Variants in ASXL1 observed in about 807,000 individuals in gnomAD.
ASXL1 encodes the protein polycomb group protein ASXL1.
In ASXL1, 65 loss-of-function variants were observed where a neutral mutation model predicts 89.1. That is an observed-to-expected ratio of 0.73 (90% CI 0.60 to 0.90). ASXL1 has a LOEUF of 0.90. Among genes scored for constraint, ASXL1 ranks in the 40% least tolerant of loss-of-function variants. The pLI is 0.00. For missense variants in ASXL1, 1,786 were observed against 1,942.9 expected (o/e 0.92, Z 1.52); for synonymous variants, 739 against 746.9 (o/e 0.99, Z 0.17).
chr20:32,437,520 A>T lies in ASXL1; in HGVS notation c.*182A>T. 7.4e-6 allele frequency: 7 copies of T among 949,958 alleles called. No homozygotes were observed. The highest frequency in any genetic ancestry group is 3.4e-5 in the African/African-American group (2 of 59,548). 58.8% of individuals were successfully genotyped at this position (949,958 alleles called of 1,614,324 possible). ...TTGGCGACCCTTCTGGTCTTGCTGG[A>T]GGGGTTTCCTGGGTATAACCCATTG... On this transcript the variant is annotated 3_prime_UTR_variant, in exon 13 of 13. Transcript: ENST00000375687.
At chr20:32,422,844 C>G (rs2011179366) in intron 4 of ASXL1, among the ~76,000 whole-genome samples, 1 of 152,074 alleles carries the variant, frequency 6.6e-6, no homozygotes, top group African/African-American at 2.4e-5. Context: ...CTTGGCCTCC[C>G]AAAGTGCTGG....
rs2123239528 is a variant in ASXL1, at chr20:32,431,668, G to A, written c.968G>A (p.Arg323His). The A allele has an allele frequency of 6.2e-7, 1 of 1,612,896 alleles. No individual in the cohort carries two copies. The highest frequency in any genetic ancestry group is 8.5e-7 in the Non-Finnish European group (1 of 1,180,018). ...CATGCGGCTCAGAGCTGGCGGGAGCGCCTGGCTGATGGTATGTAGACTTGG... is the reference window on the plus strand; with the variant it reads ...CATGCGGCTCAGAGCTGGCGGGAGCACCTGGCTGATGGTATGTAGACTTGG... ...FTHAAQSWRE[R>H]LADGEFTHEM... The change falls in exon 10 of 13, where the codon CGC becomes CAC. Residue 323 changes from arginine (R) to histidine (H), a missense_variant. By Grantham distance (29) the Arg-to-His change is conservative. This residue lies in a region of ASXL1 where 332 missense variants were observed against 449.7 expected (regional missense o/e 0.74). Transcript: ENST00000375687.
intron 1 of ASXL1, 122 bp downstream of exon 1, chr20:32,358,954 T>G: frequency 1.9e-6 from 2 of 1,073,610 alleles, no homozygotes; most frequent in Non-Finnish European, 2.5e-6. Context: ...GGGGCCATCT[T>G]CCTTTAAGAA....
At chr20:32,424,494 C>T (rs1051811801) in intron 4 of ASXL1, among the ~76,000 whole-genome samples, 2 of 152,166 alleles carry the variant, frequency 1.3e-5, no homozygotes, top group Non-Finnish European at 2.9e-5. Context: ...GAGATCATGC[C>T]GCTGCACTCC....
intron 1 of ASXL1, chr20:32,360,050 C>T: frequency 2.1e-6 from 1 of 485,534 alleles, no homozygotes. Flanking sequence ...GAGTTTTCTG[C>T]TTCAAAGGTG....
chr20:32,405,762 A>G (rs1056093903), intron 4 of ASXL1, among the ~76,000 whole-genome samples: 4 of 152,204 alleles, frequency 2.6e-5, no homozygotes, highest in African/African-American at 4.8e-5. Context: ...TGTCAGGTAT[A>G]GCAGAGAAGT....
rs1569328638 is a variant in ASXL1 at position 32,434,644 on chromosome 20, G to GT, written c.1932_1933insT (p.Gly645TrpfsTer13). ...CGGCCACCACTGCCATCGGAGGGGG[G>GT]GGTGGCCCGGGTGGAGGTGGCGGCG... On this transcript the variant is annotated frameshift_variant, in exon 13 of 13. Transcript: ENST00000375687. LOFTEE classifies it low-confidence loss of function (END_TRUNC). 2 of 1,605,218 alleles carry GT rather than the reference G, an allele frequency of 1.2e-6. No homozygotes were observed. Among genetic ancestry groups the GT allele is most frequent in the East Asian group, 2.3e-5 (1 of 44,330 alleles).
At position 32,437,506 on chromosome 20, in the gene ASXL1, T is replaced by G; in HGVS notation, c.*168T>G. On this transcript the variant is annotated 3_prime_UTR_variant, in exon 13 of 13. Coordinates refer to ENST00000375687, the MANE Select transcript of ASXL1 (RefSeq NM_015338.6). ...AAGCCCTCTGTCACTTGGCGACCCT[T>G]CTGGTCTTGCTGGAGGGGTTTCCTG... 9.0e-7 allele frequency: 1 copy of G among 1,114,486 alleles called. No individual in the cohort carries two copies. Among genetic ancestry groups the G allele is most frequent in the Non-Finnish European group, 1.3e-6 (1 of 778,870 alleles). The allele number at this position is 1,114,486 out of a possible 1,614,324, so 69.0% of individuals were successfully genotyped here. A position where few individuals can be genotyped will look rare whatever the true frequency, so the allele number is the denominator to read the frequency against.
chr20:32,377,946 C>A (rs2048413656), intron 4 of ASXL1, among the ~76,000 whole-genome samples: 1 of 134,330 alleles, frequency 7.4e-6, no homozygotes. Context: ...AACCACCGCA[C>A]CTGGCCCCAA....
At chr20:32,422,620 A>G (rs891996244) in intron 4 of ASXL1, among the ~76,000 whole-genome samples, 1 of 127,034 alleles carries the variant, frequency 7.9e-6, no homozygotes, top group Admixed American at 8.9e-5. Context: ...AGAGTCTTGC[A>G]CTGTCTCCCA....
In ASXL1 at chr20:32,359,098, C is replaced by T. The variant is rs2048065391; in HGVS notation, c.57+266C>T. The T allele has an allele frequency of 8.4e-6, 5 of 595,300 alleles. No individual in the cohort carries two copies. In the East Asian group the frequency reaches 8.5e-5, roughly 10 times the overall value. The allele number at this position is 595,300 out of a possible 1,614,324, so 36.9% of individuals were successfully genotyped here. ...GCGGAGGGGCGAGCTGGCAGGCCGG[C>T]TCCTCCCACTCTGGGCAGCGGGGTC... On this transcript the variant is annotated intron_variant, in intron 1 of 12. Coordinates refer to ENST00000375687, the MANE Select transcript of ASXL1 (RefSeq NM_015338.6).
At chr20:32,416,106 T>A (rs1291917812) in intron 4 of ASXL1, among the ~76,000 whole-genome samples, 1 of 152,156 alleles carries the variant, frequency 6.6e-6, no homozygotes, top group Admixed American at 6.6e-5. Flanking sequence ...TATATGTATT[T>A]TGGGGGTACA....
rs757830010 is a variant in ASXL1 at position 32,437,650 on chromosome 20, C to G, written c.*312C>G. Reference sequence around the variant, plus strand: ...GGGGACTGCCTGACTCCCAGAGGGACTTGAAACTGAAGCAAGAAGGTTGCA... The same window carrying G: ...GGGGACTGCCTGACTCCCAGAGGGAGTTGAAACTGAAGCAAGAAGGTTGCA... On this transcript the variant is annotated 3_prime_UTR_variant, in exon 13 of 13. Coordinates refer to ENST00000375687, the MANE Select transcript of ASXL1 (RefSeq NM_015338.6). 6.2e-5 allele frequency: 28 copies of G among 449,244 alleles called. No homozygotes were observed. Among genetic ancestry groups the G allele is most frequent in the Admixed American group, 1.5e-4 (4 of 26,606 alleles). 27.8% of individuals were successfully genotyped at this position (449,244 alleles called of 1,614,324 possible). A position where few individuals can be genotyped will look rare whatever the true frequency, so the allele number is the denominator to read the frequency against.
At chr20:32,377,769 C>T (rs1210715928) in intron 4 of ASXL1, among the ~76,000 whole-genome samples, 1 of 149,902 alleles carries the variant, frequency 6.7e-6, no homozygotes, top group Non-Finnish European at 1.5e-5. Flanking sequence ...TCTCTTACCT[C>T]AGCCTCCTGC....
chr20:32,393,097 A>G (rs1204029197), intron 4 of ASXL1, among the ~76,000 whole-genome samples: 2 of 152,160 alleles, frequency 1.3e-5, no homozygotes, highest in Non-Finnish European at 2.9e-5. Context: ...GATAATGTTT[A>G]AGTCTTCTGT....
chr20:32,409,061 C>T (rs1349060828), intron 4 of ASXL1, among the ~76,000 whole-genome samples: 1 of 151,996 alleles, frequency 6.6e-6, no homozygotes, highest in Non-Finnish European at 1.5e-5. Context: ...GCAACCTTTG[C>T]CTCCCAGTTT....
chr20:32,418,704 C>T (rs2049181535), intron 4 of ASXL1, among the ~76,000 whole-genome samples: 1 of 148,850 alleles, frequency 6.7e-6, no homozygotes, highest in African/African-American at 2.5e-5. Flanking sequence ...TATCTTGGCT[C>T]TTTGTGACCC....
intron 2 of ASXL1, 172 bp downstream of exon 2, chr20:32,366,638 TG>T (rs2048209326): frequency 1.1e-6 from 1 of 874,140 alleles, no homozygotes; most frequent in Admixed American, 6.2e-5. Flanking sequence ...AGGGTGGCAG[TG>T]GGTGAACATC....
chr20:32,419,277 G>A (rs769405514), intron 4 of ASXL1, among the ~76,000 whole-genome samples: 2 of 151,902 alleles, frequency 1.3e-5, no homozygotes, highest in South Asian at 2.1e-4. Flanking sequence ...ATCATAGCTC[G>A]CTGCAACCTG....
Sources: gnomAD v4.1 joint callset for allele counts (sites outside exome capture counted in the v4.1 genomes callset) on GRCh38, gnomAD v4.1.1 for gene constraint, gnomAD v4.1.1 regional missense constraint, MANE v1.5 for transcripts, NCBI Gene and HGNC (gene_info 2026-07-23, HGNC 2026-07-21) for gene names.